Variants in LINGO1 observed in about 807,000 individuals in gnomAD.
The protein encoded by LINGO1 is leucine rich repeat and Ig domain containing 1, also known as leucine-rich repeat and immunoglobulin-like domain-containing nogo receptor-interacting protein 1.
Under a neutral mutation model 37.3 loss-of-function variants are expected in LINGO1, and 11 were observed. That is an observed-to-expected ratio of 0.29 (90% CI 0.19 to 0.49). The LOEUF (loss-of-function observed/expected upper bound fraction) is 0.49. Ranked by LOEUF, LINGO1 falls within the 20% of genes least tolerant of loss-of-function variation. The pLI is 0.99. For missense variants in LINGO1, 585 were observed against 878.2 expected (o/e 0.67, Z 4.22); for synonymous variants, 387 against 403.0 (o/e 0.96, Z 0.48).
intron 1 of LINGO1, among the ~76,000 whole-genome samples, chr15:77,629,071 T>C (rs1380378640): frequency 6.6e-6 from 1 of 152,200 alleles, no homozygotes; most frequent in Non-Finnish European, 1.5e-5. Flanking sequence ...TCTCACTTTA[T>C]AGATAAGGAA....
chr15:77,715,532 A>G (rs904198858), intron 2 of LINGO1, among the ~76,000 whole-genome samples: 2 of 152,242 alleles, frequency 1.3e-5, no homozygotes, highest in African/African-American at 2.4e-5. Context: ...AGAGCCAAAC[A>G]GACACAAATT....
At chr15:77,764,866 T>C (rs777483768) in intron 1 of LINGO1, among the ~76,000 whole-genome samples, 63 of 152,120 alleles carry the variant, frequency 4.1e-4, no homozygotes, top group Non-Finnish European at 2.5e-4. Flanking sequence ...GCAGCCATGT[T>C]TGTAAGAATG....
chr15:77,624,492 C>A (rs887341307), intron 1 of LINGO1, among the ~76,000 whole-genome samples: 1 of 152,186 alleles, frequency 6.6e-6, no homozygotes, highest in Non-Finnish European at 1.5e-5. Context: ...ACAGCCATCT[C>A]GAGAGCTGCC....
intron 1 of LINGO1, among the ~76,000 whole-genome samples, chr15:77,812,762 G>A (rs1394169435): frequency 6.6e-6 from 1 of 152,234 alleles, no homozygotes; most frequent in Non-Finnish European, 1.5e-5. Context: ...GCTGAGTGCC[G>A]TGCAATTCAT....
chr15:77,664,911 G>T (rs1246809292), intron 3 of LINGO1, among the ~76,000 whole-genome samples: 1 of 152,210 alleles, frequency 6.6e-6, no homozygotes, highest in Non-Finnish European at 1.5e-5. Flanking sequence ...TGAAGGGACA[G>T]CTCCTTCAGA....
At chr15:77,644,938 C>T (rs959886130) in intron 3 of LINGO1, among the ~76,000 whole-genome samples, 3 of 152,152 alleles carry the variant, frequency 2.0e-5, no homozygotes, top group Non-Finnish European at 2.9e-5. Flanking sequence ...ATCTAGAAGG[C>T]CCCAGACGAT....
chr15:77,819,826 TCG>T (rs1477683574), intron 1 of LINGO1, among the ~76,000 whole-genome samples: 1 of 151,106 alleles, frequency 6.6e-6, no homozygotes, highest in African/African-American at 2.4e-5. Flanking sequence ...AGGTGCCGAC[TCG>T]GGCTTCTCGC....
chr15:77,665,841 C>G (rs564662889), intron 3 of LINGO1, among the ~76,000 whole-genome samples: 79 of 152,324 alleles, frequency 5.2e-4, no homozygotes, highest in African/African-American at 1.9e-3. Flanking sequence ...TCTCCCTCAG[C>G]CTAAAAACAC....
At chr15:77,792,757 T>C (rs1365150653) in intron 2 of LINGO1, among the ~76,000 whole-genome samples, 1 of 152,254 alleles carries the variant, frequency 6.6e-6, no homozygotes, top group Admixed American at 6.5e-5. Context: ...GGCAATGCCA[T>C]GGTCTAACCT....
chr15:77,792,405 C>G (rs901856805), intron 2 of LINGO1, among the ~76,000 whole-genome samples: 5 of 152,188 alleles, frequency 3.3e-5, no homozygotes, highest in Non-Finnish European at 5.9e-5. Context: ...CAGTAGGCAT[C>G]ACTCTGTAAC....
chr15:77,740,034 C>G (rs2076244842), intron 1 of LINGO1, among the ~76,000 whole-genome samples: 1 of 152,278 alleles, frequency 6.6e-6, no homozygotes, highest in African/African-American at 2.4e-5. Flanking sequence ...CCTTCTGATT[C>G]CTGCCCTCAG....
At chr15:77,773,207 G>A (rs964818571) in intron 1 of LINGO1, among the ~76,000 whole-genome samples, 1 of 152,200 alleles carries the variant, frequency 6.6e-6, no homozygotes, top group Non-Finnish European at 1.5e-5. Flanking sequence ...ATGGGAGGCC[G>A]GACCATGTGA....
chr15:77,776,373 G>A (rs1173824446), intron 1 of LINGO1, among the ~76,000 whole-genome samples: 1 of 148,438 alleles, frequency 6.7e-6, no homozygotes, highest in Non-Finnish European at 1.5e-5. Context: ...ATTCCCTCCT[G>A]CCCTGCAAGC....
chr15:77,642,481 TGGG>T (rs1446592703), intron 3 of LINGO1, among the ~76,000 whole-genome samples: 2 of 152,228 alleles, frequency 1.3e-5, no homozygotes, highest in Non-Finnish European at 2.9e-5. Context: ...CCCCTCAGGC[TGGG>T]GGTCTGCAGT....
chr15:77,741,202 C>T (rs1186555581), intron 1 of LINGO1, among the ~76,000 whole-genome samples: 1 of 152,224 alleles, frequency 6.6e-6, no homozygotes, highest in Non-Finnish European at 1.5e-5. Flanking sequence ...CTGCAAAAAG[C>T]CCCAGAGGTG....
intron 3 of LINGO1, among the ~76,000 whole-genome samples, chr15:77,658,564 T>C (rs1435623076): frequency 6.6e-6 from 1 of 152,158 alleles, no homozygotes; most frequent in East Asian, 1.9e-4. Context: ...ACTGACAAAC[T>C]GGGACTTCCA....
intron 2 of LINGO1, among the ~76,000 whole-genome samples, chr15:77,685,294 C>T (rs540358586): frequency 6.6e-6 from 1 of 152,230 alleles, no homozygotes; most frequent in East Asian, 1.9e-4. Context: ...AGGCCAGCTC[C>T]GCCTTTGCAG....
intron 2 of LINGO1, among the ~76,000 whole-genome samples, chr15:77,710,207 T>C (rs1184863851): frequency 6.6e-6 from 1 of 152,220 alleles, no homozygotes; most frequent in African/African-American, 2.4e-5. Flanking sequence ...ACCCTTCACG[T>C]GTCTGCCTGC....
rs574720386 is a variant in LINGO1, at chr15:77,747,736, G to A, written c.-256-12683C>T. 5.9e-5 allele frequency among the ~76,000 whole-genome samples: 9 copies of A among 152,328 alleles called. No homozygotes were observed. In the East Asian group the frequency reaches 1.2e-3, roughly 20 times the overall value. Reference sequence around the variant, plus strand: ...GCCCCCGCCTCCAGAATCTCCCCACGGCTGTCACCATGCCTGAAATGTCAC... The same window carrying A: ...GCCCCCGCCTCCAGAATCTCCCCACAGCTGTCACCATGCCTGAAATGTCAC... On this transcript the variant is annotated intron_variant, in intron 1 of 3. Coordinates refer to the LINGO1 transcript ENST00000561686.
Sources: gnomAD v4.1 joint callset for allele counts (sites outside exome capture counted in the v4.1 genomes callset) on GRCh38, gnomAD v4.1.1 for gene constraint, MANE v1.5 for transcripts, NCBI Gene and HGNC (gene_info 2026-07-23, HGNC 2026-07-21) for gene names.